ASTN2: variants seen among roughly 807,000 people sequenced by gnomAD.
ASTN2 encodes the protein astrotactin-2.
Under a neutral mutation model 139.8 loss-of-function variants are expected in ASTN2, and 54 were observed. That is an observed-to-expected ratio of 0.39 (90% CI 0.31 to 0.48). ASTN2 has a LOEUF of 0.48. ASTN2 is among the 20% of genes least tolerant of loss of function. ASTN2 has a pLI of 0.95. For synonymous variants in ASTN2, 756 were observed against 719.5 expected (o/e 1.05, Z -0.81); for missense variants, 1,565 against 1,725.1 (o/e 0.91, Z 1.64).
At chr9:116,563,476 T>A (rs1853030108) in intron 19 of ASTN2, among the ~76,000 whole-genome samples, 1 of 152,162 alleles carries the variant, frequency 6.6e-6, no homozygotes, top group Admixed American at 6.5e-5. Context: ...ACATGAACAA[T>A]GATCTCTTTG....
chr9:116,808,063 G>A (rs957206501), intron 12 of ASTN2, among the ~76,000 whole-genome samples: 5 of 152,082 alleles, frequency 3.3e-5, no homozygotes, highest in Admixed American at 6.6e-5. Context: ...GTAGTTAGCC[G>A]AGATCATGCC....
At chr9:117,023,127 G>A (rs1837938478) in intron 6 of ASTN2, among the ~76,000 whole-genome samples, 1 of 152,104 alleles carries the variant, frequency 6.6e-6, no homozygotes, top group African/African-American at 2.4e-5. Flanking sequence ...AACCAGCTTA[G>A]CCTAAATACA....
chr9:116,911,046 G>T (rs912357580), intron 10 of ASTN2, among the ~76,000 whole-genome samples: 1 of 152,196 alleles, frequency 6.6e-6, no homozygotes, highest in African/African-American at 2.4e-5. Context: ...GATCCTACTA[G>T]TCCTTCTTCT....
At chr9:117,211,469 C>G (rs1193339716) in intron 3 of ASTN2, among the ~76,000 whole-genome samples, 1 of 152,126 alleles carries the variant, frequency 6.6e-6, no homozygotes, top group Non-Finnish European at 1.5e-5. Flanking sequence ...GTGTTTAGCA[C>G]TTCTCCCATT....
chr9:117,282,694 C>G (rs768672070), intron 2 of ASTN2, among the ~76,000 whole-genome samples: 42 of 137,214 alleles, frequency 3.1e-4, no homozygotes, highest in Non-Finnish European at 5.3e-4. Flanking sequence ...TTTGCCAGCT[C>G]TCTTGCTCAT....
chr9:117,251,009 C>A (rs1009414191), intron 2 of ASTN2, among the ~76,000 whole-genome samples: 1 of 152,054 alleles, frequency 6.6e-6, no homozygotes, highest in African/African-American at 2.4e-5. Flanking sequence ...GCAGGGAGGG[C>A]GTGGCCACAG....
chr9:117,251,276 A>G (rs1833530378), intron 2 of ASTN2, among the ~76,000 whole-genome samples: 1 of 149,968 alleles, frequency 6.7e-6, no homozygotes, highest in African/African-American at 2.5e-5. Context: ...TCATAACTTC[A>G]AACAAATGCT....
chr9:116,733,304 C>A, intron 14 of ASTN2, 95 bp downstream of exon 14: 3 of 1,505,322 alleles, frequency 2.0e-6, no homozygotes, highest in South Asian at 1.2e-5. Flanking sequence ...CTTGACAGAG[C>A]CCATCTTGGA....
At chr9:116,791,378 A>G (rs987052347) in intron 13 of ASTN2, among the ~76,000 whole-genome samples, 11 of 152,392 alleles carry the variant, frequency 7.2e-5, no homozygotes, top group Admixed American at 3.9e-4. Flanking sequence ...TGGATTGACC[A>G]TAATGTAATA....
At chr9:116,758,204 T>A (rs768531462) in intron 13 of ASTN2, among the ~76,000 whole-genome samples, 2 of 152,222 alleles carry the variant, frequency 1.3e-5, no homozygotes, top group Non-Finnish European at 2.9e-5. Context: ...TTAATATTGC[T>A]GCTATTGTTG....
chr9:116,702,669 G>A (rs924667783), intron 16 of ASTN2, among the ~76,000 whole-genome samples: 1 of 152,088 alleles, frequency 6.6e-6, no homozygotes, highest in Admixed American at 6.6e-5. Context: ...CCTTAGATTA[G>A]ATAAAAAAGG....
intron 10 of ASTN2, among the ~76,000 whole-genome samples, chr9:116,955,417 T>C (rs2132493238): frequency 6.6e-6 from 1 of 152,328 alleles, no homozygotes; most frequent in Non-Finnish European, 1.5e-5. Flanking sequence ...AAATAGTAAA[T>C]GAGACCAAAT....
At chr9:116,645,045 C>A (rs777878154) in intron 17 of ASTN2, among the ~76,000 whole-genome samples, 1 of 152,148 alleles carries the variant, frequency 6.6e-6, no homozygotes, top group Non-Finnish European at 1.5e-5. Context: ...AAACTCCCAA[C>A]CCTGAGATGA....
chr9:117,002,031 A>G (rs945377970), intron 7 of ASTN2, among the ~76,000 whole-genome samples: 1 of 152,222 alleles, frequency 6.6e-6, no homozygotes, highest in African/African-American at 2.4e-5. Context: ...GTTAAGCCCC[A>G]TGAAAATATA....
chr9:117,013,814 C>T (rs1837600597), intron 6 of ASTN2, among the ~76,000 whole-genome samples: 1 of 152,056 alleles, frequency 6.6e-6, no homozygotes, highest in South Asian at 2.1e-4. Flanking sequence ...GAGGTATCAC[C>T]AGACAAAATT....
intron 10 of ASTN2, among the ~76,000 whole-genome samples, chr9:116,943,683 G>T (rs970521606): frequency 3.3e-5 from 5 of 152,086 alleles, no homozygotes; most frequent in Non-Finnish European, 5.9e-5. Flanking sequence ...CCTATCTTTG[G>T]CCTGACATTC....
chr9:116,724,188 A>C (rs911780545), intron 16 of ASTN2, among the ~76,000 whole-genome samples: 2 of 152,238 alleles, frequency 1.3e-5, no homozygotes, highest in Admixed American at 1.3e-4. Context: ...TAATAGTATT[A>C]CTTCAAAGTC....
intron 10 of ASTN2, among the ~76,000 whole-genome samples, chr9:116,928,503 C>G (rs1834818688): frequency 6.6e-6 from 1 of 152,162 alleles, no homozygotes; most frequent in South Asian, 2.1e-4. Context: ...GTATGTACTT[C>G]CAGTTTCTGC....
intron 19 of ASTN2, among the ~76,000 whole-genome samples, chr9:116,491,707 AG>A (rs1849522388): frequency 6.6e-6 from 1 of 152,218 alleles, no homozygotes; most frequent in Admixed American, 6.5e-5. Flanking sequence ...CACCCAGTGG[AG>A]GGGGTACTAA....
Sources: gnomAD v4.1 joint callset for allele counts (sites outside exome capture counted in the v4.1 genomes callset) on GRCh38, gnomAD v4.1.1 for gene constraint, MANE v1.5 for transcripts, NCBI Gene and HGNC (gene_info 2026-07-23, HGNC 2026-07-21) for gene names.